PACRG: variants seen among roughly 807,000 people sequenced by gnomAD.
PACRG encodes parkin coregulated gene protein.
In PACRG, 29 loss-of-function variants were observed where a neutral mutation model predicts 29.7. The observed-to-expected ratio is 0.98, with a 90% CI of 0.73 to 1.33. PACRG has a LOEUF of 1.33. Among genes scored for constraint, PACRG ranks in the 40% most tolerant of loss-of-function variants. The probability of loss-of-function intolerance (pLI) is 0.00; values close to 1 mark genes in which losing one functional copy is unlikely to be tolerated. For missense variants in PACRG, 279 were observed against 316.2 expected, an observed-to-expected ratio of 0.88 and a Z score of 0.89; for synonymous variants, 116 against 118.7, an observed-to-expected ratio of 0.98 and a Z score of 0.15.
intron 2 of PACRG, among the ~76,000 whole-genome samples, chr6:163,048,795 G>A (rs892093264): frequency 1.3e-5 from 2 of 152,002 alleles, no homozygotes; most frequent in Admixed American, 1.3e-4. Flanking sequence ...TAAAAGTTTG[G>A]CTATCTTTTA....
chr6:162,971,886 G>A (rs766317465), intron 2 of PACRG, among the ~76,000 whole-genome samples: 34 of 152,242 alleles, frequency 2.2e-4, no homozygotes, highest in Admixed American at 9.8e-4. Context: ...AGGACTCAGC[G>A]TCTGTTTGGC....
At chr6:163,087,806 G>C (rs1427905977) in intron 3 of PACRG, among the ~76,000 whole-genome samples, 1 of 151,334 alleles carries the variant, frequency 6.6e-6, no homozygotes, top group African/African-American at 2.4e-5. Flanking sequence ...GGTGAAGATG[G>C]AGAGTGAGGC....
chr6:163,309,414 C>T (rs992761732), intron 4 of PACRG, among the ~76,000 whole-genome samples: 3 of 152,152 alleles, frequency 2.0e-5, no homozygotes, highest in African/African-American at 7.2e-5. Context: ...TCAGTATAAT[C>T]GTCATGTATT....
intron 4 of PACRG, among the ~76,000 whole-genome samples, chr6:163,274,740 G>T (rs117419684): frequency 1.3e-5 from 2 of 152,040 alleles, no homozygotes; most frequent in South Asian, 4.1e-4. Flanking sequence ...TTTTCTATTC[G>T]TTCTATAATT....
intron 4 of PACRG, among the ~76,000 whole-genome samples, chr6:163,197,475 A>C (rs1585324024): frequency 8.6e-6 from 1 of 116,712 alleles, no homozygotes. Flanking sequence ...ACAGGGTCTC[A>C]CTCTGTTGCC....
At chr6:162,728,873 C>A (rs1028955877) in intron 1 of PACRG, among the ~76,000 whole-genome samples, 7 of 152,036 alleles carry the variant, frequency 4.6e-5, no homozygotes, top group African/African-American at 1.7e-4. Flanking sequence ...AATATCCTAG[C>A]ATTTGCTCTA....
At chr6:163,226,300 T>A (rs1445545913) in intron 4 of PACRG, among the ~76,000 whole-genome samples, 2 of 152,170 alleles carry the variant, frequency 1.3e-5, no homozygotes, top group Admixed American at 1.3e-4. Context: ...CTGGTGACGC[T>A]GGTTAATAAT....
At chr6:163,242,785 G>A (rs574886352) in intron 4 of PACRG, among the ~76,000 whole-genome samples, 136 of 152,310 alleles carry the variant, frequency 8.9e-4, no homozygotes, top group African/African-American at 3.1e-3. Context: ...TTTCCAGGCT[G>A]CAAGCAAAAA....
chr6:163,150,378 C>G lies in PACRG; in HGVS notation c.613+60970C>G, dbSNP rs115432511. Among the ~76,000 whole-genome samples, 1,155 of 152,332 alleles carry G rather than the reference C, an allele frequency of 7.6e-3. 13 individuals carry two copies. Among genetic ancestry groups the G allele is most frequent in the African/African-American group, 0.027 (1,105 of 41,574 alleles). ...ACACCAGGCCGCCCACTGGCTGGCT[C>G]TAATCCTCCTCTACAGGCTTCTGTC... On this transcript the variant is annotated intron_variant, in intron 4 of 4. Coordinates refer to ENST00000366888, the MANE Select transcript of PACRG (RefSeq NM_001080379.2).
intron 2 of PACRG, among the ~76,000 whole-genome samples, chr6:162,998,524 A>G (rs534523161): frequency 1.3e-5 from 2 of 152,342 alleles, no homozygotes; most frequent in African/African-American, 4.8e-5. Context: ...ACTACTCAGT[A>G]TGTCATGTTG....
At chr6:163,037,275 C>T (rs964107876) in intron 2 of PACRG, among the ~76,000 whole-genome samples, 7 of 152,186 alleles carry the variant, frequency 4.6e-5, no homozygotes, top group African/African-American at 9.6e-5. Context: ...TGTCAGCAGA[C>T]GCTTAGTTGG....
intron 2 of PACRG, among the ~76,000 whole-genome samples, chr6:162,851,582 T>A (rs891125976): frequency 4.6e-5 from 7 of 152,206 alleles, no homozygotes; most frequent in Non-Finnish European, 1.0e-4. Context: ...CCATTAGGGA[T>A]CTGATTCTCA....
intron 3 of PACRG, among the ~76,000 whole-genome samples, chr6:163,077,272 G>A (rs1181974235): frequency 1.3e-5 from 2 of 152,112 alleles, no homozygotes; most frequent in African/African-American, 2.4e-5. Flanking sequence ...TTTGTGAGAT[G>A]GCCTAGTAGG....
At chr6:163,136,956 C>T (rs16894549) in intron 4 of PACRG, among the ~76,000 whole-genome samples, 22,138 of 152,214 alleles carry the variant, frequency 0.15, 1,593 homozygotes, top group African/African-American at 0.16. Flanking sequence ...AATATAAACA[C>T]TTTGGATGCA....
chr6:163,220,677 T>C (rs1436173777), intron 4 of PACRG, among the ~76,000 whole-genome samples: 2 of 152,222 alleles, frequency 1.3e-5, no homozygotes, highest in East Asian at 3.8e-4. Flanking sequence ...TGCATATCTT[T>C]CCTTTAATTA....
At chr6:163,040,608 G>A (rs1415907030) in intron 2 of PACRG, among the ~76,000 whole-genome samples, 1 of 152,202 alleles carries the variant, frequency 6.6e-6, no homozygotes, top group African/African-American at 2.4e-5. Flanking sequence ...CTAAGGCCAT[G>A]GGAGCCCACC....
At chr6:163,133,880 C>T in intron 4 of PACRG, among the ~76,000 whole-genome samples, 1 of 152,140 alleles carries the variant, frequency 6.6e-6, no homozygotes, top group East Asian at 1.9e-4. Context: ...TTGTGCAATT[C>T]CAATTTTAAA....
intron 1 of PACRG, among the ~76,000 whole-genome samples, chr6:162,757,374 C>T (rs1356596991): frequency 4.6e-5 from 7 of 151,410 alleles, no homozygotes; most frequent in Non-Finnish European, 8.8e-5. Flanking sequence ...ATGGGGGCCA[C>T]ACACTGTGGC....
At chr6:163,217,916 T>C (rs977336014) in intron 4 of PACRG, among the ~76,000 whole-genome samples, 1 of 152,126 alleles carries the variant, frequency 6.6e-6, no homozygotes, top group Non-Finnish European at 1.5e-5. Flanking sequence ...TATTTCATTA[T>C]ATATTACAAT....
Sources: gnomAD v4.1 joint callset for allele counts (sites outside exome capture counted in the v4.1 genomes callset) on GRCh38, gnomAD v4.1.1 for gene constraint, MANE v1.5 for transcripts, NCBI Gene and HGNC (gene_info 2026-07-23, HGNC 2026-07-21) for gene names.